LITAF: variants seen among roughly 807,000 people sequenced by gnomAD.
LITAF encodes the protein lipopolysaccharide-induced tumor necrosis factor-alpha factor.
In LITAF, 9 loss-of-function variants were observed where a neutral mutation model predicts 14.5. The ratio of observed to expected loss-of-function variants is 0.62; its 90% CI spans 0.37 to 1.08. LITAF has a LOEUF of 1.08. Among genes scored for constraint, LITAF ranks in the 50% least tolerant of loss-of-function variants. The pLI is 0.01. For missense variants in LITAF, 206 were observed against 213.4 expected (o/e 0.97, Z 0.22); for synonymous variants, 98 against 88.2 (o/e 1.11, Z -0.62).
At chr16:11,565,036 C>T (rs1277432780) in intron 1 of LITAF, among the ~76,000 whole-genome samples, 1 of 141,592 alleles carries the variant, frequency 7.1e-6, no homozygotes, top group Admixed American at 7.2e-5. Context: ...TAGAGTCTTG[C>T]TCTGTCGCTC....
At chr16:11,623,619 C>A (rs1244041776) in intron 3 of LITAF, among the ~76,000 whole-genome samples, 2 of 151,288 alleles carry the variant, frequency 1.3e-5, no homozygotes, top group Non-Finnish European at 2.9e-5. Context: ...GAGATCACAA[C>A]CTTGCACTCT....
chr16:11,572,089 AAAAT>A (rs987215910), intron 1 of LITAF, among the ~76,000 whole-genome samples: 11 of 152,064 alleles, frequency 7.2e-5, no homozygotes, highest in Admixed American at 2.0e-4. Flanking sequence ...ACCCTATCTC[AAAAT>A]AAATAAATAA....
At chr16:11,588,032 T>A (rs1032516786), upstream of LITAF, among the ~76,000 whole-genome samples, 7 of 152,062 alleles carry the variant, frequency 4.6e-5, no homozygotes, top group African/African-American at 1.7e-4. Flanking sequence ...CCCGGGTCCC[T>A]CAGCAAAGTG....
At position 11,631,308 on chromosome 16, in the gene LITAF, G is replaced by A. The variant is rs538183953; in HGVS notation, c.85+2225C>T. 1.5e-4 allele frequency among the ~76,000 whole-genome samples: 23 copies of A among 152,338 alleles called. No homozygotes were observed. In the South Asian group the frequency reaches 4.1e-3, roughly 27 times the overall value. On this transcript the variant is annotated intron_variant, in intron 3 of 3. Transcript: ENST00000574848. ...GTCATCAGGACCACCTCCCCCTGGA[G>A]GATCTAGGGAGGGTCCTCTCTTGCT...
rs1555469756 is a variant in LITAF, at chr16:11,576,554, A to AAAAAAAAAGAC, written c.-6+10331_-6+10332insGTCTTTTTTTT. The stretch of plus-strand genomic sequence containing the variant: ...ATCTGCAAAAAAAAAAAAAAAAAAA[A>AAAAAAAAAGAC]AGAGAGAGAGAAAGAGAAAAAGAGA... On this transcript the variant is annotated intron_variant, in intron 1 of 3. Transcript: ENST00000622633. 8.1e-4 allele frequency among the ~76,000 whole-genome samples: 95 copies of AAAAAAAAAGAC among 116,620 alleles called. 6 individuals carry two copies. The highest frequency in any genetic ancestry group is 1.4e-3 in the South Asian group (5 of 3,632). 76.5% of individuals were successfully genotyped at this position (116,620 alleles called of 152,430 possible). A position where few individuals can be genotyped will look rare whatever the true frequency, so the allele number is the denominator to read the frequency against.
At chr16:11,639,377 G>C (rs1301961167), upstream of LITAF, among the ~76,000 whole-genome samples, 1 of 151,020 alleles carries the variant, frequency 6.6e-6, no homozygotes, top group African/African-American at 2.4e-5. Context: ...ATGGGTGAGT[G>C]GTGGATGCAT....
At chr16:11,602,873 G>A (rs2141867216), upstream of LITAF, among the ~76,000 whole-genome samples, 1 of 152,218 alleles carries the variant, frequency 6.6e-6, no homozygotes, top group African/African-American at 2.4e-5. Context: ...AGCTTTGAGA[G>A]GCCGAGGTGG....
upstream of LITAF, among the ~76,000 whole-genome samples, chr16:11,639,751 T>C (rs965156686): frequency 6.6e-6 from 1 of 152,130 alleles, no homozygotes; most frequent in African/African-American, 2.4e-5. Flanking sequence ...TCCCATCAAT[T>C]TGGGAGGCCG....
chr16:11,624,548 T>C (rs776441306), intron 3 of LITAF, among the ~76,000 whole-genome samples: 2 of 152,318 alleles, frequency 1.3e-5, no homozygotes, highest in South Asian at 2.1e-4. Context: ...GTGAGAAGAA[T>C]AGGTGAGTTC....
At chr16:11,623,865 G>T (rs1450300295) in intron 3 of LITAF, among the ~76,000 whole-genome samples, 1 of 152,018 alleles carries the variant, frequency 6.6e-6, no homozygotes, top group East Asian at 1.9e-4. Flanking sequence ...TACTTGGGAG[G>T]CTGAGGCAGG....
chr16:11,594,157 G>A (rs2064866867), intron 1 of LITAF, among the ~76,000 whole-genome samples: 1 of 150,748 alleles, frequency 6.6e-6, no homozygotes, highest in Admixed American at 6.6e-5. Context: ...CTGCACTTCA[G>A]CCTGGGTGAC....
chr16:11,611,377 A>G (rs2064981369), intron 3 of LITAF, among the ~76,000 whole-genome samples: 1 of 152,112 alleles, frequency 6.6e-6, no homozygotes, highest in South Asian at 2.1e-4. Flanking sequence ...GTTAAACTCA[A>G]ATGTCAGAGA....
At chr16:11,572,276 TC>T (rs1459717985) in intron 1 of LITAF, among the ~76,000 whole-genome samples, 1 of 151,326 alleles carries the variant, frequency 6.6e-6, no homozygotes, top group Non-Finnish European at 1.5e-5. Flanking sequence ...CCCTTGTGGT[TC>T]CCCCCACCCC....
chr16:11,621,062 A>ATT (rs398038189), intron 3 of LITAF, among the ~76,000 whole-genome samples: 98 of 144,938 alleles, frequency 6.8e-4, no homozygotes, highest in East Asian at 5.2e-3. Flanking sequence ...CACCCAGTTA[A>ATT]TTTTTTTTTT....
intron 3 of LITAF, among the ~76,000 whole-genome samples, chr16:11,621,798 C>T (rs967337657): frequency 1.3e-5 from 2 of 152,088 alleles, no homozygotes; most frequent in African/African-American, 4.8e-5. Context: ...TTCCTGAGAT[C>T]CCCTCCCTAG....
chr16:11,631,853 CTTT>C (rs34507448), intron 3 of LITAF, among the ~76,000 whole-genome samples: 3 of 134,522 alleles, frequency 2.2e-5, no homozygotes, highest in Admixed American at 7.4e-5. Context: ...CTTTTCTTTT[CTTT>C]TTTTTTTTTT....
At chr16:11,571,438 C>T (rs1389526839) in intron 1 of LITAF, among the ~76,000 whole-genome samples, 1 of 152,186 alleles carries the variant, frequency 6.6e-6, no homozygotes, top group South Asian at 2.1e-4. Context: ...ACTACATTCA[C>T]GTTACCTAAG....
intron 1 of LITAF, among the ~76,000 whole-genome samples, chr16:11,593,662 A>T (rs1197617494): frequency 1.3e-5 from 2 of 152,332 alleles, no homozygotes; most frequent in Admixed American, 6.5e-5. Context: ...GAATTGAATG[A>T]TTTGGCCATA....
intron 2 of LITAF, among the ~76,000 whole-genome samples, chr16:11,635,454 C>A (rs1239654789): frequency 6.6e-6 from 1 of 152,204 alleles, no homozygotes; most frequent in East Asian, 1.9e-4. Flanking sequence ...CCAGGACACA[C>A]CTGGGAGTGG....
Sources: gnomAD v4.1 joint callset for allele counts (sites outside exome capture counted in the v4.1 genomes callset) on GRCh38, gnomAD v4.1.1 for gene constraint, MANE v1.5 for transcripts, NCBI Gene and HGNC (gene_info 2026-07-23, HGNC 2026-07-21) for gene names.